The following GIGYF2 variants were observed in gnomAD, a reference collection of about 807,000 sequenced individuals.
The protein encoded by GIGYF2 is GRB10-interacting GYF protein 2.
GIGYF2 carries 25 observed loss-of-function variants against 208.1 expected under a neutral mutation model. The ratio of observed to expected loss-of-function variants is 0.12; its 90% CI spans 0.09 to 0.17. The LOEUF is 0.17. Among genes scored for constraint, GIGYF2 ranks in the 10% least tolerant of loss-of-function variants. The probability of loss-of-function intolerance (pLI) is 1.00; values close to 1 mark genes in which losing one functional copy is unlikely to be tolerated. For synonymous variants in GIGYF2, 534 were observed against 543.8 expected, an observed-to-expected ratio of 0.98 and a Z score of 0.25; for missense variants, 1,302 against 1,579.4, an observed-to-expected ratio of 0.82 and a Z score of 2.98.
chr2:232,700,431 T>C (rs557724585), intron 1 of GIGYF2, among the ~76,000 whole-genome samples: 1 of 152,338 alleles, frequency 6.6e-6, no homozygotes, highest in East Asian at 1.9e-4. Flanking sequence ...GAGAACCTTT[T>C]TGGGTAAAAA....
chr2:232,776,805 AGT>A (rs1261105121), intron 8 of GIGYF2: 4 of 227,446 alleles, frequency 1.8e-5, no homozygotes, highest in Non-Finnish European at 3.4e-5. Flanking sequence ...ACCGGTCTTT[AGT>A]AAGTTTGCAT....
intron 2 of GIGYF2, among the ~76,000 whole-genome samples, chr2:232,728,240 T>A (rs1040860376): frequency 6.6e-6 from 1 of 151,910 alleles, no homozygotes; most frequent in Non-Finnish European, 1.5e-5. Flanking sequence ...CAATAGGAGA[T>A]TGAGTTGGGG....
At chr2:232,738,371 GTCTT>G (rs1256835140) in intron 3 of GIGYF2, among the ~76,000 whole-genome samples, 1 of 152,154 alleles carries the variant, frequency 6.6e-6, no homozygotes, top group Non-Finnish European at 1.5e-5. Flanking sequence ...AAGCAATAGT[GTCTT>G]TCTTTAAGCC....
intron 8 of GIGYF2, chr2:232,768,562 T>A (rs764204353): frequency 6.2e-7 from 1 of 1,614,168 alleles, no homozygotes; most frequent in South Asian, 1.1e-5. Context: ...AGTGGAAAGA[T>A]GAAGAATGGA....
intron 8 of GIGYF2, among the ~76,000 whole-genome samples, chr2:232,774,309 C>T (rs1699418817): frequency 6.6e-6 from 1 of 152,076 alleles, no homozygotes; most frequent in African/African-American, 2.4e-5. Flanking sequence ...AGTGTTTGTT[C>T]TTCAGTAATG....
At chr2:232,846,032 T>C (rs1035984512) in intron 26 of GIGYF2, 146 bp downstream of exon 26, 17 of 691,476 alleles carry the variant, frequency 2.5e-5, no homozygotes, top group African/African-American at 2.1e-4. Flanking sequence ...CTTGACTCTT[T>C]AATAGTATTA....
chr2:232,819,733 C>A, intron 20 of GIGYF2, 94 bp from the exon 21 acceptor site: 1 of 739,720 alleles, frequency 1.4e-6, no homozygotes. Context: ...GTCTTAGCAG[C>A]AGATAGCCTA....
intron 28 of GIGYF2, among the ~76,000 whole-genome samples, chr2:232,852,409 G>T (rs562434304): frequency 6.6e-6 from 1 of 152,272 alleles, no homozygotes; most frequent in Non-Finnish European, 1.5e-5. Flanking sequence ...GCTGGGCGTG[G>T]TGGTGGGTGC....
rs756305213 is a variant in GIGYF2 at position 232,819,808 on chromosome 2, C to T, written c.2371-19C>T. 3 of 425,554 alleles carry T rather than the reference C, an allele frequency of 7.0e-6. No homozygotes were observed. Among genetic ancestry groups the T allele is most frequent in the Non-Finnish European group, 8.6e-6 (2 of 232,834 alleles). The allele number at this position is 425,554 out of a possible 1,614,324, so 26.4% of individuals were successfully genotyped here. Reference sequence around the variant, plus strand: ...CTGAGTCCCTCCCCCACCCCCCACCCTCCATCTTTTTTCCTTAGGAAGAGG... The same window carrying T: ...CTGAGTCCCTCCCCCACCCCCCACCTTCCATCTTTTTTCCTTAGGAAGAGG... On this transcript the variant is annotated intron_variant, in intron 20 of 28. Transcript: ENST00000373563.
intron 3 of GIGYF2, among the ~76,000 whole-genome samples, chr2:232,741,516 C>G (rs1183032228): frequency 6.7e-6 from 1 of 148,858 alleles, no homozygotes; most frequent in Non-Finnish European, 1.5e-5. Context: ...GATCTCGGCT[C>G]ACTGCAACTT....
At chr2:232,763,088 A>G (rs900507178) in intron 8 of GIGYF2, among the ~76,000 whole-genome samples, 7 of 152,196 alleles carry the variant, frequency 4.6e-5, no homozygotes, top group African/African-American at 1.7e-4. Context: ...GTTTATTGTT[A>G]GCTTTAGCCA....
At chr2:232,744,305 A>C (rs1698068876) in intron 3 of GIGYF2, among the ~76,000 whole-genome samples, 1 of 152,200 alleles carries the variant, frequency 6.6e-6, no homozygotes, top group African/African-American at 2.4e-5. Context: ...CATGAGAAGG[A>C]GTCTTTGGGG....
At position 232,732,898 on chromosome 2, in the gene GIGYF2, G is replaced by A. The variant is rs534567934; in HGVS notation, c.-43-2257G>A. On this transcript the variant is annotated intron_variant, in intron 2 of 28. Transcript: ENST00000373563. ...ACCCACCTTGGCCTCCCAAAGTGCT[G>A]GGATTACAGGTATGAGCCACCATGC... 1.2e-4 allele frequency among the ~76,000 whole-genome samples: 19 copies of A among 152,136 alleles called. No homozygotes were observed. The East Asian group carries it at 3.5e-3, about 28-fold the overall frequency.
At chr2:232,740,731 C>T (rs143984435) in intron 3 of GIGYF2, among the ~76,000 whole-genome samples, 6 of 152,008 alleles carry the variant, frequency 3.9e-5, no homozygotes, top group East Asian at 1.9e-4. Context: ...TTATGGGAGA[C>T]GGGTAAGAGA....
In GIGYF2 at chr2:232,787,146, A is replaced by G. The variant is rs1699941016; in HGVS notation, c.533-4A>G. 1.9e-6 allele frequency: 3 copies of G among 1,609,476 alleles called. No individual in the cohort carries two copies. The African/African-American group carries it at 4.0e-5, about 22-fold the overall frequency. On this transcript the variant is annotated splice_region_variant and splice_polypyrimidine_tract_variant and intron_variant, in intron 8 of 28. Coordinates refer to ENST00000373563, the MANE Select transcript of GIGYF2 (RefSeq NM_001103146.3). Reference sequence around the variant, plus strand: ...GTTTACTTACCATATTATTTTCTTTATAGGGAGACCAAATTTTGAGGAAGG... The same window carrying G: ...GTTTACTTACCATATTATTTTCTTTGTAGGGAGACCAAATTTTGAGGAAGG...
rs1177717442 is a variant in GIGYF2 at position 232,839,889 on chromosome 2, C to T, written c.2807C>T (p.Thr936Ile). ...ACGTGGGGCCAGCAGTCCAATACAA[C>T]AGCATGTCAGTCCCAGGCCACGCTG... ...SSTWGQQSNT[T>I]ACQSQATLSL... is the part of the protein sequence containing the mutation. Residue 936 changes from threonine (T) to isoleucine (I), a missense_variant, in exon 23 of 29, where the codon ACA becomes ATA. Coordinates refer to ENST00000373563, the MANE Select transcript of GIGYF2 (RefSeq NM_001103146.3). 6.2e-7 allele frequency: 1 copy of T among 1,613,942 alleles called. No individual in the cohort carries two copies. Among genetic ancestry groups the T allele is most frequent in the Non-Finnish European group, 8.5e-7 (1 of 1,179,800 alleles).
intron 3 of GIGYF2, among the ~76,000 whole-genome samples, chr2:232,739,657 G>A (rs1418644480): frequency 6.6e-6 from 1 of 151,952 alleles, no homozygotes; most frequent in Non-Finnish European, 1.5e-5. Context: ...GGGTGATAGA[G>A]CAAGACCCTG....
At chr2:232,790,662 A>G (rs973469211) in intron 9 of GIGYF2, 36 bp from the exon 10 acceptor site, 2 of 1,529,320 alleles carry the variant, frequency 1.3e-6, no homozygotes, top group African/African-American at 2.7e-5. Flanking sequence ...CTGTCATAAA[A>G]CTTTTCTAAG....
At chr2:232,844,339 G>A (rs756805992) in intron 24 of GIGYF2, 30 bp from the exon 25 acceptor site, 35 of 1,611,372 alleles carry the variant, frequency 2.2e-5, no homozygotes, top group East Asian at 4.5e-5. Flanking sequence ...CATGATTCAC[G>A]ATAATCATTT....
Sources: allele counts gnomAD v4.1 joint callset (sites outside exome capture counted in the v4.1 genomes callset), GRCh38; gene constraint gnomAD v4.1.1; transcripts MANE v1.5; gene names NCBI Gene and HGNC (gene_info 2026-07-23, HGNC 2026-07-21).